SLC2A13: variants seen among roughly 807,000 people sequenced by gnomAD.
SLC2A13 encodes proton myo-inositol cotransporter.
A neutral mutation model predicts 64.4 loss-of-function variants in SLC2A13; 32 were observed. The observed-to-expected ratio is 0.50, with a 90% CI of 0.37 to 0.67. SLC2A13 has a LOEUF of 0.67. Among genes scored for constraint, SLC2A13 ranks in the 30% least tolerant of loss-of-function variants. SLC2A13 has a pLI of 0.00. For synonymous variants in SLC2A13, 338 were observed against 327.1 expected, an observed-to-expected ratio of 1.03 and a Z score of -0.36; for missense variants, 743 against 829.2, an observed-to-expected ratio of 0.90 and a Z score of 1.28.
At chr12:40,078,474 C>T (rs1474384826) in intron 1 of SLC2A13, among the ~76,000 whole-genome samples, 1 of 152,066 alleles carries the variant, frequency 6.6e-6, no homozygotes, top group Non-Finnish European at 1.5e-5. Flanking sequence ...ACCTTGCATC[C>T]CAGGAATAAG....
rs137922761 is a variant in SLC2A13 at position 39,773,964 on chromosome 12, G to A, written c.1446-9106C>T. Among the ~76,000 whole-genome samples, 110 of 152,274 alleles carry A rather than the reference G, an allele frequency of 7.2e-4. 2 individuals are homozygous for A. The East Asian group carries it at 0.019, about 26-fold the overall frequency. On this transcript the variant is annotated intron_variant, in intron 7 of 9. Transcript: ENST00000280871. ...TTACTGAGGAGTGTCAGTGAAGCAC[G>A]ATTTTATTTCCAGTTCCTGACGCAG...
At chr12:39,775,087 A>G (rs187639954) in intron 7 of SLC2A13, among the ~76,000 whole-genome samples, 1 of 152,348 alleles carries the variant, frequency 6.6e-6, no homozygotes, top group Admixed American at 6.5e-5. Flanking sequence ...GGGAAATTAT[A>G]TGCTTCAAGA....
intron 7 of SLC2A13, among the ~76,000 whole-genome samples, chr12:39,785,549 G>A (rs1466091745): frequency 6.6e-6 from 1 of 152,234 alleles, no homozygotes; most frequent in Admixed American, 6.5e-5. Context: ...AGCCCCCACA[G>A]AGAGTCCCTA....
At chr12:39,969,996 C>G (rs1188278015) in intron 3 of SLC2A13, among the ~76,000 whole-genome samples, 1 of 152,188 alleles carries the variant, frequency 6.6e-6, no homozygotes, top group African/African-American at 2.4e-5. Flanking sequence ...AGGAAGGGAT[C>G]CAGTTTCAGC....
chr12:39,962,088 A>G (rs899412242), intron 3 of SLC2A13, among the ~76,000 whole-genome samples: 9 of 152,144 alleles, frequency 5.9e-5, no homozygotes, highest in African/African-American at 2.2e-4. Flanking sequence ...TAGCTTTGTA[A>G]CATCAAACCA....
intron 7 of SLC2A13, among the ~76,000 whole-genome samples, chr12:39,792,814 A>AAAC (rs1233371986): frequency 5.5e-4 from 82 of 149,256 alleles, no homozygotes; most frequent in African/African-American, 2.0e-3. Context: ...AAAAAAAAAA[A>AAAC]CCCCACATAA....
intron 4 of SLC2A13, among the ~76,000 whole-genome samples, chr12:39,897,441 A>G (rs947795640): frequency 1.3e-5 from 2 of 152,200 alleles, no homozygotes; most frequent in South Asian, 4.1e-4. Context: ...TTCCACTGCT[A>G]TAAGTAGGAT....
intron 7 of SLC2A13, among the ~76,000 whole-genome samples, chr12:39,780,794 CATA>C (rs1287451188): frequency 6.6e-6 from 1 of 152,186 alleles, no homozygotes; most frequent in East Asian, 1.9e-4. Flanking sequence ...CATGGAGCTA[CATA>C]ATGATTTTCT....
intron 3 of SLC2A13, among the ~76,000 whole-genome samples, chr12:39,998,163 GTA>G (rs534885459): frequency 6.6e-6 from 1 of 151,984 alleles, no homozygotes; most frequent in Non-Finnish European, 1.5e-5. Flanking sequence ...ATTGTGGTAT[GTA>G]TATATATATG....
At chr12:39,953,320 T>A (rs988953670) in intron 3 of SLC2A13, among the ~76,000 whole-genome samples, 3 of 152,194 alleles carry the variant, frequency 2.0e-5, no homozygotes, top group African/African-American at 7.2e-5. Flanking sequence ...TAAAAATAAA[T>A]GATGGTAGTT....
chr12:39,780,785 A>G (rs1015459206), intron 7 of SLC2A13, among the ~76,000 whole-genome samples: 3 of 152,220 alleles, frequency 2.0e-5, no homozygotes, highest in African/African-American at 4.8e-5. Context: ...ACACGAAAAC[A>G]TGGAGCTACA....
chr12:40,003,712 A>G (rs1315728821), intron 3 of SLC2A13, among the ~76,000 whole-genome samples: 1 of 152,052 alleles, frequency 6.6e-6, no homozygotes, highest in Non-Finnish European at 1.5e-5. Context: ...AATGTATTGA[A>G]TTTTTAATTT....
At chr12:40,098,729 T>A (rs1270966022) in intron 1 of SLC2A13, among the ~76,000 whole-genome samples, 1 of 152,196 alleles carries the variant, frequency 6.6e-6, no homozygotes, top group African/African-American at 2.4e-5. Context: ...TAAATATCCT[T>A]ATCTTAAAAT....
intron 7 of SLC2A13, among the ~76,000 whole-genome samples, chr12:39,796,020 CA>C (rs1941561199): frequency 6.6e-6 from 1 of 152,086 alleles, no homozygotes. Flanking sequence ...ACCCCACAGC[CA>C]TTAGCAGTCA....
chr12:39,976,566 CT>C (rs140605087), intron 3 of SLC2A13, among the ~76,000 whole-genome samples: 2,309 of 148,880 alleles, frequency 0.016, 61 homozygotes, highest in African/African-American at 0.054. Context: ...TAAATCTTCA[CT>C]TTTTTTTTTA....
chr12:39,891,603 A>T (rs1333749860), intron 4 of SLC2A13, among the ~76,000 whole-genome samples: 3 of 152,208 alleles, frequency 2.0e-5, no homozygotes, highest in Non-Finnish European at 4.4e-5. Flanking sequence ...AGGAACTTGG[A>T]AATAATGAGT....
chr12:39,840,556 A>T (rs1242146126), intron 6 of SLC2A13, among the ~76,000 whole-genome samples: 1 of 151,876 alleles, frequency 6.6e-6, no homozygotes, highest in Non-Finnish European at 1.5e-5. Flanking sequence ...AGAATATGAC[A>T]TGCTCTCATG....
At chr12:39,943,055 A>T (rs1464676618) in intron 4 of SLC2A13, among the ~76,000 whole-genome samples, 3 of 152,158 alleles carry the variant, frequency 2.0e-5, no homozygotes, top group African/African-American at 7.2e-5. Context: ...GGTCCACTCC[A>T]GGCCATCTGC....
chr12:39,943,360 C>T lies in SLC2A13; in HGVS notation c.1034+7897G>A, dbSNP rs1178825983. 2.0e-5 allele frequency among the ~76,000 whole-genome samples: 3 copies of T among 152,150 alleles called. No individual in the cohort carries two copies. The East Asian group carries it at 5.8e-4, about 29-fold the overall frequency. ...CTGCTGAAGCTGTGCCCACAGCCAC[C>T]CCTTCTCCCAGGGGCTCTGTTCCAG... On this transcript the variant is annotated intron_variant, in intron 4 of 9. Transcript: ENST00000280871.
Sources: allele counts gnomAD v4.1 joint callset (sites outside exome capture counted in the v4.1 genomes callset), GRCh38; gene constraint gnomAD v4.1.1; transcripts MANE v1.5; gene names NCBI Gene and HGNC (gene_info 2026-07-23, HGNC 2026-07-21).